The following ANAPC11 variants were observed in gnomAD, a reference collection of about 807,000 sequenced individuals.
The protein encoded by ANAPC11 is anaphase-promoting complex subunit 11.
In ANAPC11, 5 loss-of-function variants were observed where a neutral mutation model predicts 11.8. The observed-to-expected ratio is 0.42, with a 90% confidence interval of 0.22 to 0.89. The LOEUF (loss-of-function observed/expected upper bound fraction) is 0.89. ANAPC11 is among the 40% of genes least tolerant of loss of function. The pLI, the probability that ANAPC11 is intolerant of heterozygous loss-of-function variation, is 0.28. For synonymous variants in ANAPC11, 45 were observed against 41.0 expected, an observed-to-expected ratio of 1.10 and a Z score of -0.38; for missense variants, 68 against 112.9, an observed-to-expected ratio of 0.60 and a Z score of 1.80.
intron 3 of ANAPC11, among the ~76,000 whole-genome samples, chr17:81,896,519 G>A (rs992420444): frequency 3.3e-5 from 5 of 152,214 alleles, no homozygotes; most frequent in Non-Finnish European, 5.9e-5. Flanking sequence ...CGAAATGAGC[G>A]TAAAGCAGAA....
chr17:81,893,450 G>C (rs549921493), intron 1 of ANAPC11, 102 bp from the exon 2 acceptor site: 1 of 151,936 alleles, frequency 6.6e-6, no homozygotes, highest in South Asian at 2.1e-4. Flanking sequence ...GGTTGGTCTC[G>C]AACTCCTGAC....
chr17:81,899,303 C>T (rs1169004077), intron 3 of ANAPC11: 2 of 1,613,356 alleles, frequency 1.2e-6, no homozygotes, highest in Admixed American at 1.7e-5. Flanking sequence ...CTGTGCCTGT[C>T]CTGGGAGGCA....
At chr17:81,895,550 C>G (rs2039712140) in intron 3 of ANAPC11, among the ~76,000 whole-genome samples, 1 of 152,306 alleles carries the variant, frequency 6.6e-6, no homozygotes, top group African/African-American at 2.4e-5. Flanking sequence ...GCGGCCCACG[C>G]CTGTTATTCC....
chr17:81,891,384 G>C, upstream of ANAPC11: 1 of 1,122,992 alleles, frequency 8.9e-7, no homozygotes, highest in Non-Finnish European at 1.1e-6. Context: ...GGCGATGGCC[G>C]GCCGGTTCCG....
chr17:81,896,183 G>A (rs1293895524), intron 3 of ANAPC11, among the ~76,000 whole-genome samples: 1 of 152,224 alleles, frequency 6.6e-6, no homozygotes, highest in African/African-American at 2.4e-5. Context: ...CACTTTGGGA[G>A]GCCGAGGTGG....
At chr17:81,891,689 T>TGC (rs1274098630), upstream of ANAPC11, 38 of 1,052,292 alleles carry the variant, frequency 3.6e-5, no homozygotes, top group Non-Finnish European at 4.4e-5. Context: ...GGCGGACGGC[T>TGC]GCGCGCGCGG....
At chr17:81,897,128 A>G (rs1419132617) in intron 3 of ANAPC11, among the ~76,000 whole-genome samples, 1 of 152,068 alleles carries the variant, frequency 6.6e-6, no homozygotes, top group African/African-American at 2.4e-5. Flanking sequence ...AGCTTTCCGA[A>G]TAGCTGGGAC....
intron 3 of ANAPC11, chr17:81,899,335 T>A: frequency 4.3e-6 from 7 of 1,613,710 alleles, no homozygotes; most frequent in Non-Finnish European, 5.9e-6. Context: ...CAGGTGCCCA[T>A]CAACACAGCT....
At chr17:81,899,550 A>G (rs768678101) in intron 3 of ANAPC11, 15 of 1,609,864 alleles carry the variant, frequency 9.3e-6, no homozygotes, top group Non-Finnish European at 1.3e-5. Context: ...TAGGTCAGAC[A>G]TTGCCCTTTT....
upstream of ANAPC11, chr17:81,890,997 C>A: frequency 1.1e-6 from 1 of 941,530 alleles, no homozygotes; most frequent in Non-Finnish European, 1.5e-6. Flanking sequence ...ACGGTCCCAC[C>A]GCGGCCGCAC....
intron 3 of ANAPC11, 114 bp downstream of exon 3, chr17:81,894,700 A>T: frequency 6.3e-6 from 3 of 472,914 alleles, no homozygotes; most frequent in South Asian, 6.5e-5. Context: ...TGCACGAAAT[A>T]CCCAGTTTCA....
chr17:81,891,901 G>A (rs1473295854), intron 1 of ANAPC11, 60 bp downstream of exon 1: 1 of 184,478 alleles, frequency 5.4e-6, no homozygotes, highest in Non-Finnish European at 1.1e-5. Context: ...GGCCGTTGGA[G>A]GCGGAGCCTA....
At position 81,899,923 on chromosome 17, in the gene ANAPC11, A is replaced by G; in HGVS notation, c.113A>G (p.Lys38Arg). 2 of 1,607,568 alleles carry G rather than the reference A, an allele frequency of 1.2e-6. No individual in the cohort carries two copies. Among genetic ancestry groups the G allele is most frequent in the Non-Finnish European group, 1.7e-6 (2 of 1,175,674 alleles). ...MAFNGCCPDC[K>R]VPGDDCPLVW... ...TTTCCCCACCTCCCCTCCGTAGGCAAGGTGCCCGGCGACGACTGCCCGCTG... is the reference window on the plus strand; with the variant it reads ...TTTCCCCACCTCCCCTCCGTAGGCAGGGTGCCCGGCGACGACTGCCCGCTG... The change falls in exon 4 of 4, where the codon AAG (lysine) becomes AGG (arginine). Residue 38 changes from lysine (K) to arginine (R), a missense_variant. Coordinates refer to ENST00000344877, the MANE Select transcript of ANAPC11 (RefSeq NM_001002248.3).
At chr17:81,892,894 G>A (rs995228554) in intron 1 of ANAPC11, among the ~76,000 whole-genome samples, 17 of 151,998 alleles carry the variant, frequency 1.1e-4, no homozygotes, top group African/African-American at 3.4e-4. Flanking sequence ...GTCTCCCTCC[G>A]TCACCCAGAG....
intron 2 of ANAPC11, 102 bp downstream of exon 2, chr17:81,893,716 A>G (rs1237312027): frequency 6.7e-6 from 1 of 149,996 alleles, no homozygotes; most frequent in African/African-American, 2.5e-5. Flanking sequence ...CCCTTTCTCT[A>G]GATGGCTAAA....
At chr17:81,897,804 T>A (rs1256935222) in intron 3 of ANAPC11, among the ~76,000 whole-genome samples, 2 of 151,918 alleles carry the variant, frequency 1.3e-5, no homozygotes, top group African/African-American at 2.4e-5. Flanking sequence ...AAATTTTTAA[T>A]TTTTTTTGTG....
At chr17:81,897,149 C>T (rs1202064913) in intron 3 of ANAPC11, among the ~76,000 whole-genome samples, 3 of 152,276 alleles carry the variant, frequency 2.0e-5, no homozygotes, top group African/African-American at 2.4e-5. Context: ...TACAGGCGCT[C>T]GCCGCCATGC....
chr17:81,899,010 G>A lies in ANAPC11; in HGVS notation c.110-910G>A. 3 of 590,506 alleles carry A rather than the reference G, an allele frequency of 5.1e-6. No individual in the cohort carries two copies. The East Asian group carries it at 8.4e-5, about 17-fold the overall frequency. 36.6% of individuals were successfully genotyped at this position (590,506 alleles called of 1,614,324 possible). The stretch of plus-strand genomic sequence containing the variant: ...CTGAGGCCAGAAACCCCCACGGGCA[G>A]GTCCTCCCAGGGCTGGGAGTGGGCA... On this transcript the variant is annotated intron_variant, in intron 3 of 3. Transcript: ENST00000344877.
chr17:81,891,663 C>T, upstream of ANAPC11: 1 of 1,211,038 alleles, frequency 8.3e-7, no homozygotes, highest in South Asian at 1.8e-5. Context: ...CTCGGAGCGG[C>T]TGCTGATTGG....
Sources: gnomAD v4.1 joint callset for allele counts (sites outside exome capture counted in the v4.1 genomes callset) on GRCh38, gnomAD v4.1.1 for gene constraint, MANE v1.5 for transcripts, NCBI Gene and HGNC (gene_info 2026-07-23, HGNC 2026-07-21) for gene names.